Variants in ANO10 observed in about 807,000 individuals in gnomAD.
ANO10 encodes anoctamin 10, also known as anoctamin-10.
ANO10 carries 77 observed loss-of-function variants against 74.7 expected under a neutral mutation model. The observed-to-expected ratio is 1.03, with a 90% CI of 0.86 to 1.25. ANO10 has a LOEUF of 1.25. ANO10 is among the 50% of genes most tolerant of loss of function. The probability of loss-of-function intolerance (pLI) is 0.00; values close to 1 mark genes in which losing one functional copy is unlikely to be tolerated. For synonymous variants in ANO10, 279 were observed against 284.9 expected, an observed-to-expected ratio of 0.98 and a Z score of 0.21; for missense variants, 721 against 778.1, an observed-to-expected ratio of 0.93 and a Z score of 0.87.
intron 11 of ANO10, chr3:43,485,899 A>G (rs1384433): frequency 0.94 from 224,418 of 239,828 alleles, 105,497 homozygotes; most frequent in Non-Finnish European, 0.98. Context: ...CTCCGCGCTC[A>G]CCGCCACCCG....
chr3:43,575,916 C>A (rs1450686139), intron 6 of ANO10, among the ~76,000 whole-genome samples: 1 of 152,158 alleles, frequency 6.6e-6, no homozygotes, highest in African/African-American at 2.4e-5. Flanking sequence ...GGATTCCAGG[C>A]GTGAGCCACT....
At chr3:43,367,874 A>G (rs2091467243) in intron 12 of ANO10, among the ~76,000 whole-genome samples, 1 of 152,168 alleles carries the variant, frequency 6.6e-6, no homozygotes, top group Non-Finnish European at 1.5e-5. Flanking sequence ...CAAAACTCTG[A>G]GCGCAAACAT....
At chr3:43,462,926 C>T (rs1000106337) in intron 11 of ANO10, among the ~76,000 whole-genome samples, 4 of 152,198 alleles carry the variant, frequency 2.6e-5, no homozygotes, top group Admixed American at 6.5e-5. Context: ...GCACCTTCCA[C>T]GTGGTGTTGA....
intron 1 of ANO10, among the ~76,000 whole-genome samples, chr3:43,631,854 G>A (rs2083551287): frequency 1.3e-5 from 2 of 151,904 alleles, no homozygotes; most frequent in Admixed American, 6.6e-5. Context: ...AGGCCAAGGC[G>A]GGTGGATCAC....
chr3:43,428,026 G>A (rs1389000732), intron 12 of ANO10, among the ~76,000 whole-genome samples: 1 of 151,748 alleles, frequency 6.6e-6, no homozygotes, highest in Non-Finnish European at 1.5e-5. Flanking sequence ...TGTTACATAC[G>A]ATATCTTTGG....
At chr3:43,544,715 C>T (rs1381926898) in intron 11 of ANO10, among the ~76,000 whole-genome samples, 1 of 150,652 alleles carries the variant, frequency 6.6e-6, no homozygotes, top group East Asian at 2.0e-4. Context: ...ATTGCTTGAA[C>T]CCAGGAGGCA....
intron 11 of ANO10, among the ~76,000 whole-genome samples, chr3:43,508,316 T>A (rs1020211792): frequency 6.6e-6 from 1 of 152,150 alleles, no homozygotes; most frequent in Non-Finnish European, 1.5e-5. Flanking sequence ...AAATATTTTT[T>A]AAAACTCAAC....
chr3:43,494,318 T>C (rs2076837196), intron 11 of ANO10, among the ~76,000 whole-genome samples: 1 of 152,156 alleles, frequency 6.6e-6, no homozygotes. Flanking sequence ...CTGGGCATGG[T>C]GGCAGACGCC....
At chr3:43,481,946 G>C (rs1324415637) in intron 11 of ANO10, among the ~76,000 whole-genome samples, 2 of 36,538 alleles carry the variant, frequency 5.5e-5, no homozygotes, top group African/African-American at 2.2e-4. Flanking sequence ...TTTTTTTTTT[G>C]AGACAGAGTC....
chr3:43,659,566 G>A (rs1421459297), intron 1 of ANO10, among the ~76,000 whole-genome samples: 1 of 152,198 alleles, frequency 6.6e-6, no homozygotes, highest in African/African-American at 2.4e-5. Context: ...TAAACAAAGT[G>A]GTAGGGAAGC....
Position 43,555,368 on chromosome 3 carries a change from G to A in ANO10, c.1578C>T (p.Asn526=), listed in dbSNP as rs1189026956. 3 of 1,614,116 alleles carry A rather than the reference G, an allele frequency of 1.9e-6. No individual in the cohort carries two copies. The highest frequency in any genetic ancestry group is 2.5e-6 in the Non-Finnish European group (3 of 1,180,018). The change falls in exon 10 of 13, where the codon AAC becomes AAT. Residue 526 remains asparagine (N), a synonymous_variant. Transcript: ENST00000292246. ...PLAAAFAVLN[N]FTEVNSDALK... is the part of the protein sequence containing the mutation. ...AGGCATCTGAATTTACTTCAGTGAAGTTATTTAACACAGCAAAGGCAGCTG... is the reference window on the plus strand; with the variant it reads ...AGGCATCTGAATTTACTTCAGTGAAATTATTTAACACAGCAAAGGCAGCTG...
intron 11 of ANO10, among the ~76,000 whole-genome samples, chr3:43,466,540 A>T (rs2075636172): frequency 6.6e-6 from 1 of 152,118 alleles, no homozygotes; most frequent in South Asian, 2.1e-4. Context: ...TAAACAAACG[A>T]CTAGAGTAAC....
intron 1 of ANO10, among the ~76,000 whole-genome samples, chr3:43,608,848 T>G (rs543098864): frequency 1.3e-5 from 2 of 152,322 alleles, no homozygotes; most frequent in East Asian, 1.9e-4. Context: ...CCCAAAGTGC[T>G]GGGATTGCAG....
chr3:43,392,786 T>A (rs1211001387), intron 12 of ANO10, among the ~76,000 whole-genome samples: 1 of 152,184 alleles, frequency 6.6e-6, no homozygotes, highest in East Asian at 1.9e-4. Flanking sequence ...TCCAGCCAAA[T>A]GCATTTAAGT....
intron 11 of ANO10, among the ~76,000 whole-genome samples, chr3:43,531,411 T>C (rs1246405730): frequency 1.3e-5 from 2 of 152,236 alleles, no homozygotes; most frequent in Non-Finnish European, 2.9e-5. Context: ...GGGATTCTCA[T>C]GACTCAGATA....
rs561974067 is a variant in ANO10, at chr3:43,644,120, T to C, written c.-11-38257A>G. Among the ~76,000 whole-genome samples, 37 of 152,304 alleles carry C rather than the reference T, an allele frequency of 2.4e-4. No individual in the cohort carries two copies. The East Asian group carries it at 6.2e-3, about 25-fold the overall frequency. On this transcript the variant is annotated intron_variant, in intron 1 of 3. Transcript: ENST00000413397. Reference sequence around the variant, plus strand: ...TGTTTGTTTGTTTGTTTTTGCTGAATGTTGAAAAGGCTTTCCGTGTCCCCA... The same window carrying C: ...TGTTTGTTTGTTTGTTTTTGCTGAACGTTGAAAAGGCTTTCCGTGTCCCCA...
intron 11 of ANO10, among the ~76,000 whole-genome samples, chr3:43,439,588 C>CA (rs1356615187): frequency 6.6e-6 from 1 of 152,010 alleles, no homozygotes; most frequent in Non-Finnish European, 1.5e-5. Context: ...ACCAATGGAT[C>CA]AAAAAATGTA....
intron 11 of ANO10, among the ~76,000 whole-genome samples, chr3:43,463,810 T>C (rs1357448555): frequency 1.3e-5 from 2 of 152,188 alleles, no homozygotes; most frequent in Non-Finnish European, 2.9e-5. Context: ...AATGAGAGGA[T>C]GTGAGATTTG....
chr3:43,588,632 C>T (rs1213597975), intron 4 of ANO10, among the ~76,000 whole-genome samples: 1 of 150,314 alleles, frequency 6.7e-6, no homozygotes, highest in African/African-American at 2.4e-5. Context: ...ATAAGAGACC[C>T]ACATAAAATG....
Sources: gnomAD v4.1 joint callset for allele counts (sites outside exome capture counted in the v4.1 genomes callset) on GRCh38, gnomAD v4.1.1 for gene constraint, MANE v1.5 for transcripts, NCBI Gene and HGNC (gene_info 2026-07-23, HGNC 2026-07-21) for gene names.